NFYC: variants seen among roughly 807,000 people sequenced by gnomAD.
NFYC encodes CAAT box DNA-binding protein subunit C.
Under a neutral mutation model 53.1 loss-of-function variants are expected in NFYC, and 25 were observed. The ratio of observed to expected loss-of-function variants is 0.47; its 90% CI spans 0.34 to 0.66. NFYC has a LOEUF of 0.66. Among genes scored for constraint, NFYC ranks in the 30% least tolerant of loss-of-function variants. NFYC has a pLI of 0.01. For synonymous variants in NFYC, 145 were observed against 152.6 expected, an observed-to-expected ratio of 0.95 and a Z score of 0.37; for missense variants, 260 against 422.7, an observed-to-expected ratio of 0.62 and a Z score of 3.38.
intron 1 of NFYC, among the ~76,000 whole-genome samples, chr1:40,725,149 C>G (rs1451410004): frequency 6.6e-6 from 1 of 152,164 alleles, no homozygotes; most frequent in African/African-American, 2.4e-5. Flanking sequence ...AAACGTAGTG[C>G]CTGAACTTAG....
At chr1:40,766,888 A>C in intron 8 of NFYC, 185 bp downstream of exon 8, 2 of 1,551,312 alleles carry the variant, frequency 1.3e-6, no homozygotes, top group Non-Finnish European at 8.7e-7. Flanking sequence ...TTAGATTCAA[A>C]GTGTTTTCTC....
At position 40,693,244 on chromosome 1, in the gene NFYC, GT is replaced by G. The variant is rs1202776670; in HGVS notation, c.-9+1382del. Reference sequence around the variant, plus strand: ...ACACTTTCTGGTTCATATTCAAAAAGTTTTTATTCCAATCCAGAGTCGTTCC... The same window carrying G: ...ACACTTTCTGGTTCATATTCAAAAAGTTTTATTCCAATCCAGAGTCGTTCC... On this transcript the variant is annotated intron_variant, in intron 1 of 9. Coordinates refer to ENST00000447388, the MANE Select transcript of NFYC (RefSeq NM_014223.5). 3.3e-5 allele frequency among the ~76,000 whole-genome samples: 5 copies of G among 152,150 alleles called. No homozygotes were observed. In the East Asian group the frequency reaches 5.8e-4, roughly 18 times the overall value.
At chr1:40,695,875 T>C (rs1643107225) in intron 1 of NFYC, 1 of 152,230 alleles carries the variant, frequency 6.6e-6, no homozygotes, top group African/African-American at 2.4e-5. Flanking sequence ...GGGATATAAA[T>C]GTATTATGTA....
At chr1:40,727,212 T>G (rs11586742) in intron 1 of NFYC, among the ~76,000 whole-genome samples, 2,068 of 152,106 alleles carry the variant, frequency 0.014, 43 homozygotes, top group African/African-American at 0.044. Context: ...TGTTTGTTTG[T>G]TTGGTTGGTT....
intron 1 of NFYC, among the ~76,000 whole-genome samples, chr1:40,704,076 TAA>T (rs1643574035): frequency 9.1e-6 from 1 of 109,490 alleles, no homozygotes; most frequent in Non-Finnish European, 1.8e-5. Flanking sequence ...CATAGTGATT[TAA>T]GTGTTTTTTT....
intron 1 of NFYC, among the ~76,000 whole-genome samples, chr1:40,722,143 C>T (rs921621084): frequency 1.3e-5 from 2 of 151,906 alleles, no homozygotes; most frequent in African/African-American, 4.8e-5. Flanking sequence ...TGCATTCCAG[C>T]CTGGGTGACA....
chr1:40,707,491 AAAAG>A (rs760339110), intron 1 of NFYC, among the ~76,000 whole-genome samples: 26 of 109,148 alleles, frequency 2.4e-4, no homozygotes, highest in African/African-American at 3.6e-4. Context: ...AAAAAAAAAA[AAAAG>A]AGAGAGAGAG....
Position 40,770,559 on chromosome 1 carries a change from C to G in NFYC, c.889-150C>G. 3 of 1,592,606 alleles carry G rather than the reference C, an allele frequency of 1.9e-6. No homozygotes were observed. Among genetic ancestry groups the G allele is most frequent in the Non-Finnish European group, 2.6e-6 (3 of 1,169,586 alleles). On this transcript the variant is annotated intron_variant, in intron 9 of 9. Transcript: ENST00000447388. The surrounding 1 kb of genome is among the most constrained non-coding windows in gnomAD (Gnocchi z 5.3). Reference sequence around the variant, plus strand: ...CTCCTGTGTCTGCTGCTCCCAACCCCAGCAGAGCTCCACTTCCCCTCCTCC... The same window carrying G: ...CTCCTGTGTCTGCTGCTCCCAACCCGAGCAGAGCTCCACTTCCCCTCCTCC...
chr1:40,763,752 T>C (rs1646681914), intron 7 of NFYC, among the ~76,000 whole-genome samples: 1 of 152,204 alleles, frequency 6.6e-6, no homozygotes, highest in Admixed American at 6.5e-5. Flanking sequence ...TTCCCTGCTT[T>C]CCTTTAATCT....
intron 1 of NFYC, among the ~76,000 whole-genome samples, chr1:40,719,382 G>A (rs1644253787): frequency 6.6e-6 from 1 of 152,186 alleles, no homozygotes; most frequent in Non-Finnish European, 1.5e-5. Flanking sequence ...CTATAAGTGG[G>A]CAGCTATGAA....
At chr1:40,735,075 T>A (rs979311366) in intron 1 of NFYC, 2 of 151,826 alleles carry the variant, frequency 1.3e-5, no homozygotes, top group African/African-American at 4.8e-5. Flanking sequence ...GGCCCTCAAA[T>A]GTAAGCTGGT....
At chr1:40,763,079 T>C in intron 7 of NFYC, 33 bp downstream of exon 7, 1 of 1,523,576 alleles carries the variant, frequency 6.6e-7, no homozygotes, top group Non-Finnish European at 8.8e-7. Flanking sequence ...TCTTTACAAC[T>C]TTATAGAAGG....
chr1:40,767,051 G>A, intron 8 of NFYC: 1 of 1,393,974 alleles, frequency 7.2e-7, no homozygotes, highest in Non-Finnish European at 1.0e-6. Flanking sequence ...TTAAACCCAA[G>A]TGGCTGTTGT....
intron 1 of NFYC, among the ~76,000 whole-genome samples, chr1:40,707,676 A>C (rs893331073): frequency 6.6e-6 from 1 of 151,452 alleles, no homozygotes; most frequent in South Asian, 2.1e-4. Context: ...ACAAGAAAAG[A>C]AAGAAATAGA....
intron 6 of NFYC, among the ~76,000 whole-genome samples, chr1:40,762,276 C>T (rs1033392471): frequency 6.6e-6 from 1 of 152,196 alleles, no homozygotes; most frequent in African/African-American, 2.4e-5. Flanking sequence ...AGTGTTTGCT[C>T]TCCTTTGGGA....
At chr1:40,738,210 T>TAA (rs1163827945) in intron 1 of NFYC, among the ~76,000 whole-genome samples, 1 of 152,202 alleles carries the variant, frequency 6.6e-6, no homozygotes, top group African/African-American at 2.4e-5. Context: ...CCCTCTCTCT[T>TAA]TTTTTAAGAG....
chr1:40,734,448 C>G (rs1644924121), intron 1 of NFYC, among the ~76,000 whole-genome samples: 1 of 152,044 alleles, frequency 6.6e-6, no homozygotes, highest in African/African-American at 2.4e-5. Flanking sequence ...CTGCAACCTC[C>G]ACCTCCTGGG....
Position 40,763,066 on chromosome 1 carries a change from C to CTGTT in NFYC, c.720+23_720+24insTTGT. The stretch of plus-strand genomic sequence containing the variant: ...ATCCCGGTGAGTCCTGCCCTGAGGT[C>CTGTT]TGTCTTTACAACTTTATAGAAGGAA... On this transcript the variant is annotated intron_variant, in intron 7 of 9. Coordinates refer to ENST00000447388, the MANE Select transcript of NFYC (RefSeq NM_014223.5). 6.4e-7 allele frequency: 1 copy of CTGTT among 1,557,106 alleles called. No homozygotes were observed. The highest frequency in any genetic ancestry group is 8.7e-7 in the Non-Finnish European group (1 of 1,149,948).
At chr1:40,720,843 T>C (rs1407730986) in intron 1 of NFYC, among the ~76,000 whole-genome samples, 1 of 152,194 alleles carries the variant, frequency 6.6e-6, no homozygotes, top group Non-Finnish European at 1.5e-5. Flanking sequence ...CACTCCAGCG[T>C]GGGCAACAGA....
Sources: allele counts gnomAD v4.1 joint callset (sites outside exome capture counted in the v4.1 genomes callset), GRCh38; gene constraint gnomAD v4.1.1; non-coding constraint Gnocchi (gnomAD v3.1); transcripts MANE v1.5; gene names NCBI Gene and HGNC (gene_info 2026-07-23, HGNC 2026-07-21).